Variants in ADAD1 observed in about 807,000 individuals in gnomAD.
ADAD1 encodes adenosine deaminase domain containing 1, also known as adenosine deaminase domain-containing protein 1.
A neutral mutation model predicts 66.8 loss-of-function variants in ADAD1; 46 were observed. The ratio of observed to expected loss-of-function variants is 0.69; its 90% CI spans 0.54 to 0.88. The LOEUF is 0.88. Among genes scored for constraint, ADAD1 ranks in the 40% least tolerant of loss-of-function variants. The probability of loss-of-function intolerance (pLI) is 0.00; values close to 1 mark genes in which losing one functional copy is unlikely to be tolerated. For missense variants in ADAD1, 617 were observed against 681.8 expected (o/e 0.91, Z 1.06); for synonymous variants, 248 against 229.4 (o/e 1.08, Z -0.73).
intron 5 of ADAD1, among the ~76,000 whole-genome samples, chr4:122,389,046 A>G (rs918203732): frequency 6.6e-6 from 1 of 151,988 alleles, no homozygotes; most frequent in African/African-American, 2.4e-5. Flanking sequence ...GCTGTGTCCC[A>G]GAGATTCTGG....
intron 8 of ADAD1, among the ~76,000 whole-genome samples, chr4:122,410,488 T>A (rs907713310): frequency 3.9e-5 from 6 of 152,236 alleles, no homozygotes; most frequent in East Asian, 3.9e-4. Flanking sequence ...GAAAAAAAAA[T>A]TTGAATTTTA....
chr4:122,399,814 A>T (rs1477149280), intron 7 of ADAD1, among the ~76,000 whole-genome samples: 2 of 142,822 alleles, frequency 1.4e-5, no homozygotes, highest in Admixed American at 7.2e-5. Context: ...GTCACTGTTG[A>T]TGTATAGCAG....
At chr4:122,424,925 A>C (rs1279259246) in intron 12 of ADAD1, among the ~76,000 whole-genome samples, 1 of 152,102 alleles carries the variant, frequency 6.6e-6, no homozygotes, top group Admixed American at 6.5e-5. Flanking sequence ...TGGAATGTTT[A>C]TATTAATATT....
intron 7 of ADAD1, among the ~76,000 whole-genome samples, chr4:122,404,556 G>A (rs1276236318): frequency 6.6e-6 from 1 of 152,102 alleles, no homozygotes; most frequent in African/African-American, 2.4e-5. Context: ...GTTTGCAATG[G>A]CAAGCTACTT....
At chr4:122,393,710 T>C (rs1795564383) in intron 6 of ADAD1, 53 bp downstream of exon 6, 2 of 1,350,082 alleles carry the variant, frequency 1.5e-6, no homozygotes, top group Non-Finnish European at 2.0e-6. Flanking sequence ...CAATTAAAAA[T>C]AGTAACAACA....
intron 5 of ADAD1, among the ~76,000 whole-genome samples, chr4:122,387,087 T>C (rs1449243340): frequency 6.6e-6 from 1 of 151,804 alleles, no homozygotes; most frequent in Non-Finnish European, 1.5e-5. Flanking sequence ...TCAATGGTAG[T>C]TGCGAAAGTA....
chr4:122,407,897 TTTTC>T lies in ADAD1; in HGVS notation c.725-6_725-3del. The T allele has an allele frequency of 1.9e-6, 3 of 1,611,810 alleles. No homozygotes were observed. Among genetic ancestry groups the T allele is most frequent in the Non-Finnish European group, 2.5e-6 (3 of 1,178,684 alleles). ...TAAATTAACCTGCTACTGTCTACCT[TTTTC>T]TTTCAGCTGGACAACATGAGGTTGT... On this transcript the variant is annotated splice_polypyrimidine_tract_variant and splice_region_variant and intron_variant, in intron 7 of 12. Coordinates refer to ENST00000296513, the MANE Select transcript of ADAD1 (RefSeq NM_139243.4).
rs1022356677 is a variant in ADAD1 at position 122,380,258 on chromosome 4, T to A, written c.172+17T>A. ...AAGTAACGGGTACGACTTTTTTCAT[T>A]TGTAACAATGAGTCAGTTCTTTAAG... is the stretch of plus-strand genomic sequence containing the variant. On this transcript the variant is annotated intron_variant, in intron 3 of 12. Transcript: ENST00000296513. 4.4e-6 allele frequency: 7 copies of A among 1,596,720 alleles called. No homozygotes were observed. In the African/African-American group the frequency reaches 5.4e-5, roughly 12 times the overall value.
chr4:122,406,629 G>A (rs1239384089), intron 7 of ADAD1, among the ~76,000 whole-genome samples: 2 of 152,182 alleles, frequency 1.3e-5, no homozygotes, highest in East Asian at 3.9e-4. Flanking sequence ...AAACTTCTCA[G>A]TATAGTATAC....
intron 5 of ADAD1, among the ~76,000 whole-genome samples, chr4:122,387,867 C>T (rs1450398245): frequency 2.0e-5 from 3 of 151,500 alleles, no homozygotes; most frequent in Non-Finnish European, 2.9e-5. Flanking sequence ...TCATGCCATT[C>T]TCCTGCCTGA....
chr4:122,421,251 C>G lies in ADAD1; in HGVS notation c.1488-10C>G, dbSNP rs376532635. 9 of 1,541,366 alleles carry G rather than the reference C, an allele frequency of 5.8e-6. No homozygotes were observed. The African/African-American group carries it at 9.6e-5, about 16-fold the overall frequency. On this transcript the variant is annotated splice_polypyrimidine_tract_variant and intron_variant, in intron 11 of 12. Transcript: ENST00000296513. ...AAGAAATTTAAAAAATTTTATTTCT[C>G]TCTGCTTAGTTCCCCATTTAAAAGT...
chr4:122,406,977 A>G (rs189340690), intron 7 of ADAD1, among the ~76,000 whole-genome samples: 1 of 152,076 alleles, frequency 6.6e-6, no homozygotes, highest in African/African-American at 2.4e-5. Flanking sequence ...TGTAAGCCTC[A>G]TGAAGGTATG....
chr4:122,421,595 A>G, intron 12 of ADAD1, among the ~76,000 whole-genome samples: 1 of 152,222 alleles, frequency 6.6e-6, no homozygotes, highest in East Asian at 1.9e-4. Context: ...TAGCCATTTT[A>G]GTATGGTATA....
rs749092048 is a variant in ADAD1 at position 122,383,860 on chromosome 4, T to G, written c.423T>G (p.Thr141=). The G allele has an allele frequency of 6.2e-7, 1 of 1,613,890 alleles. No homozygotes were observed. Among genetic ancestry groups the G allele is most frequent in the Non-Finnish European group, 8.5e-7 (1 of 1,179,948 alleles). The part of the protein sequence containing the change: ...CAVVDGIQYK[T]GLGQNKKESR... ...TGGTGGATGGTATTCAGTACAAGACTGGACTGGGACAAAATAAAAAGGAGT... is the reference window on the plus strand; with the variant it reads ...TGGTGGATGGTATTCAGTACAAGACGGGACTGGGACAAAATAAAAAGGAGT... The change falls in exon 5 of 13, where the codon ACT becomes ACG. Residue 141 remains threonine, a synonymous_variant. Coordinates refer to ENST00000296513, the MANE Select transcript of ADAD1 (RefSeq NM_139243.4).
intron 7 of ADAD1, among the ~76,000 whole-genome samples, chr4:122,401,623 C>T (rs1172852859): frequency 1.3e-5 from 2 of 151,762 alleles, no homozygotes; most frequent in South Asian, 2.1e-4. Flanking sequence ...ATTGTGTTGC[C>T]GTCTATCTTT....
At chr4:122,392,415 T>A (rs1211101907) in intron 5 of ADAD1, among the ~76,000 whole-genome samples, 1 of 152,192 alleles carries the variant, frequency 6.6e-6, no homozygotes, top group Non-Finnish European at 1.5e-5. Context: ...TGGATGGAGC[T>A]GGAGGCCATA....
At chr4:122,408,600 A>G (rs924062031) in intron 8 of ADAD1, among the ~76,000 whole-genome samples, 6 of 152,276 alleles carry the variant, frequency 3.9e-5, no homozygotes, top group East Asian at 1.9e-4. Flanking sequence ...GAATCCTGCA[A>G]TCAGCTGGGC....
intron 12 of ADAD1, among the ~76,000 whole-genome samples, chr4:122,426,246 A>G (rs1210089941): frequency 1.3e-5 from 2 of 152,182 alleles, no homozygotes; most frequent in African/African-American, 2.4e-5. Flanking sequence ...GACACATTAG[A>G]TGAAATGGAC....
intron 4 of ADAD1, among the ~76,000 whole-genome samples, chr4:122,381,763 G>A (rs1212076332): frequency 6.6e-6 from 1 of 152,204 alleles, no homozygotes; most frequent in Non-Finnish European, 1.5e-5. Context: ...CAATGATTAG[G>A]AAGATTTTAG....
Sources: allele counts gnomAD v4.1 joint callset (sites outside exome capture counted in the v4.1 genomes callset), GRCh38; gene constraint gnomAD v4.1.1; transcripts MANE v1.5; gene names NCBI Gene and HGNC (gene_info 2026-07-23, HGNC 2026-07-21).